Variants in NDST3 observed in about 807,000 individuals in gnomAD.
NDST3 encodes the protein bifunctional heparan sulfate N-deacetylase/N-sulfotransferase 3.
In NDST3, 58 loss-of-function variants were observed where a neutral mutation model predicts 96.1. The ratio of observed to expected loss-of-function variants is 0.60; its 90% CI spans 0.49 to 0.75. NDST3 has a LOEUF of 0.75. NDST3 is among the 30% of genes least tolerant of loss of function. NDST3 has a pLI of 0.00. For synonymous variants in NDST3, 333 were observed against 359.7 expected (o/e 0.93, Z 0.84); for missense variants, 788 against 1,034.2 (o/e 0.76, Z 3.27).
chr4:118,251,234 C>G (rs1741711898), intron 12 of NDST3, among the ~76,000 whole-genome samples: 1 of 149,444 alleles, frequency 6.7e-6, no homozygotes, highest in Admixed American at 6.7e-5. Flanking sequence ...TCACGCCATT[C>G]TCCTGCCTCA....
intron 6 of NDST3, among the ~76,000 whole-genome samples, chr4:118,176,021 T>A (rs1295906211): frequency 1.3e-5 from 2 of 152,104 alleles, no homozygotes; most frequent in Non-Finnish European, 2.9e-5. Context: ...TGGCAAAAAA[T>A]GCAAATGTGT....
intron 2 of NDST3, among the ~76,000 whole-genome samples, chr4:118,059,841 T>A (rs1296397520): frequency 6.6e-6 from 1 of 152,156 alleles, no homozygotes; most frequent in African/African-American, 2.4e-5. Context: ...TTGTACATAG[T>A]ATTAATGTTT....
At chr4:118,183,986 G>A (rs924547703) in intron 6 of NDST3, among the ~76,000 whole-genome samples, 18 of 152,084 alleles carry the variant, frequency 1.2e-4, no homozygotes, top group Non-Finnish European at 2.2e-4. Context: ...ACTTACTCAC[G>A]GTGCTAGAAG....
chr4:118,132,392 A>C (rs747158003), intron 4 of NDST3, among the ~76,000 whole-genome samples: 1 of 152,012 alleles, frequency 6.6e-6, no homozygotes, highest in Non-Finnish European at 1.5e-5. Context: ...GGCAATTTTC[A>C]CTTAAGCCCA....
intron 2 of NDST3, among the ~76,000 whole-genome samples, chr4:118,088,741 C>A (rs183004467): frequency 6.6e-6 from 1 of 151,956 alleles, no homozygotes; most frequent in Admixed American, 6.6e-5. Context: ...AGCCAGTGTG[C>A]GTATTTTCAT....
intron 2 of NDST3, among the ~76,000 whole-genome samples, chr4:118,060,569 A>T (rs760674623): frequency 6.6e-6 from 1 of 152,132 alleles, no homozygotes; most frequent in South Asian, 2.1e-4. Flanking sequence ...ATCAATGTAT[A>T]TGGATTTATT....
At chr4:118,243,844 C>G (rs1338699791) in intron 12 of NDST3, among the ~76,000 whole-genome samples, 2 of 152,146 alleles carry the variant, frequency 1.3e-5, no homozygotes, top group East Asian at 1.9e-4. Flanking sequence ...CAGCAGCAAG[C>G]TTTTTATTCA....
Position 118,253,581 on chromosome 4 carries a change from T to C in NDST3, c.2482T>C (p.Tyr828His). 1 of 1,610,284 alleles carries C rather than the reference T, an allele frequency of 6.2e-7. No homozygotes were observed. Among genetic ancestry groups the C allele is most frequent in the Non-Finnish European group, 8.5e-7 (1 of 1,177,332 alleles). Residue 828 changes from tyrosine (Y) to histidine (H), a missense_variant, in exon 13 of 14, where the codon TAC becomes CAC. Physicochemically the swap from Tyr to His is moderately conservative, Grantham distance 83 (BLOSUM62 2). This residue lies in a region of NDST3 where 64 missense variants were observed against 68.5 expected (regional missense o/e 0.93). Coordinates refer to ENST00000296499, the MANE Select transcript of NDST3 (RefSeq NM_004784.3). ...CCTTGGAAAGAGCAAAGGAAGAAAATACCCTCCAATGGATTCTGATGTAAG... is the reference window on the plus strand; with the variant it reads ...CCTTGGAAAGAGCAAAGGAAGAAAACACCCTCCAATGGATTCTGATGTAAG... ...KCLGKSKGRK[Y>H]PPMDSDSRTF...
intron 12 of NDST3, among the ~76,000 whole-genome samples, chr4:118,248,000 G>C (rs1578871373): frequency 6.6e-6 from 1 of 152,172 alleles, no homozygotes; most frequent in East Asian, 1.9e-4. Context: ...AGTGTAATCT[G>C]AATGTTTTGT....
At chr4:118,174,507 T>C (rs2125941339) in intron 6 of NDST3, among the ~76,000 whole-genome samples, 1 of 152,240 alleles carries the variant, frequency 6.6e-6, no homozygotes, top group South Asian at 2.1e-4. Flanking sequence ...GGCTGGACTG[T>C]GAACTAACTA....
At chr4:118,122,389 A>C (rs1450484094) in intron 4 of NDST3, among the ~76,000 whole-genome samples, 3 of 152,196 alleles carry the variant, frequency 2.0e-5, no homozygotes, top group Non-Finnish European at 4.4e-5. Flanking sequence ...ATGGCAGAAG[A>C]AGTAAGAGTC....
intron 6 of NDST3, among the ~76,000 whole-genome samples, chr4:118,217,399 A>G (rs950774804): frequency 4.6e-5 from 7 of 152,056 alleles, no homozygotes; most frequent in African/African-American, 1.7e-4. Flanking sequence ...AGGGAATTAT[A>G]GTATAGGAAG....
intron 1 of NDST3, among the ~76,000 whole-genome samples, chr4:118,040,895 A>G (rs1164790381): frequency 1.4e-5 from 2 of 145,336 alleles, no homozygotes. Flanking sequence ...ATATATATAT[A>G]TATTTATATA....
chr4:118,043,598 T>C (rs1369172934), intron 1 of NDST3, among the ~76,000 whole-genome samples: 1 of 152,242 alleles, frequency 6.6e-6, no homozygotes, highest in African/African-American at 2.4e-5. Context: ...GCATGATGCC[T>C]CACAAGTGAA....
chr4:118,233,917 A>C (rs1740474155), intron 9 of NDST3, among the ~76,000 whole-genome samples: 1 of 152,174 alleles, frequency 6.6e-6, no homozygotes, highest in Admixed American at 6.5e-5. Context: ...GCATGATCTC[A>C]ATTTTATAAT....
intron 12 of NDST3, 102 bp downstream of exon 12, chr4:118,242,251 A>G: frequency 1.5e-6 from 1 of 672,172 alleles, no homozygotes; most frequent in Non-Finnish European, 2.5e-6. Flanking sequence ...TGTTCCTTAT[A>G]TACTGGTTAT....
Position 118,098,017 on chromosome 4 carries a change from G to A in NDST3, c.982-7001G>A, listed in dbSNP as rs115873052. On this transcript the variant is annotated intron_variant, in intron 2 of 13. Coordinates refer to ENST00000296499, the MANE Select transcript of NDST3 (RefSeq NM_004784.3). The stretch of plus-strand genomic sequence containing the variant: ...CATAACACAAACCTTTTTTTGGAAG[G>A]GGGTGGGTTGCTGAACATTTAATTA... 3.4e-4 allele frequency among the ~76,000 whole-genome samples: 51 copies of A among 149,148 alleles called. No individual in the cohort carries two copies. In the East Asian group the frequency reaches 9.7e-3, roughly 28 times the overall value.
At chr4:118,087,998 A>AT (rs1411483734) in intron 2 of NDST3, among the ~76,000 whole-genome samples, 3 of 152,002 alleles carry the variant, frequency 2.0e-5, no homozygotes, top group East Asian at 1.9e-4. Context: ...ACGTTGTATC[A>AT]TTTTTTTCTT....
At chr4:118,169,793 C>CAAAA (rs55684244) in intron 6 of NDST3, among the ~76,000 whole-genome samples, 1 of 117,338 alleles carries the variant, frequency 8.5e-6, no homozygotes, top group Non-Finnish European at 1.8e-5. Flanking sequence ...GACTCCATCT[C>CAAAA]AAAAAAAAAA....
Sources: allele counts gnomAD v4.1 joint callset (sites outside exome capture counted in the v4.1 genomes callset), GRCh38; gene constraint gnomAD v4.1.1; regional missense constraint gnomAD v4.1.1; transcripts MANE v1.5; gene names NCBI Gene and HGNC (gene_info 2026-07-23, HGNC 2026-07-21).